The following ATP10A variants were observed in gnomAD, a reference collection of about 807,000 sequenced individuals.
The protein encoded by ATP10A is ATPase phospholipid transporting 10A (putative).
In ATP10A, 111 loss-of-function variants were observed where a neutral mutation model predicts 147.8. That is an observed-to-expected ratio of 0.75 (90% CI 0.64 to 0.88). The LOEUF (loss-of-function observed/expected upper bound fraction) is 0.88. ATP10A is among the 40% of genes least tolerant of loss of function. The probability of loss-of-function intolerance (pLI) is 0.00; values close to 1 mark genes in which losing one functional copy is unlikely to be tolerated. For synonymous variants in ATP10A, 875 were observed against 841.6 expected (o/e 1.04, Z -0.69); for missense variants, 1,927 against 1,959.0 (o/e 0.98, Z 0.31).
intron 14 of ATP10A, among the ~76,000 whole-genome samples, chr15:25,694,157 G>A (rs1900182139): frequency 6.6e-6 from 1 of 152,224 alleles, no homozygotes; most frequent in Admixed American, 6.5e-5. Context: ...GTCCTGGAAG[G>A]AGGCGAGTGG....
intron 15 of ATP10A, among the ~76,000 whole-genome samples, chr15:25,688,797 C>T (rs1335984207): frequency 1.3e-5 from 2 of 152,142 alleles, no homozygotes; most frequent in African/African-American, 4.8e-5. Flanking sequence ...ATTTTCTGAA[C>T]CAAAAGTTAA....
At position 25,702,075 on chromosome 15, in the gene ATP10A, C is replaced by A. The variant is rs778007039; in HGVS notation, c.2601G>T (p.Leu867=). ...LLGATGIEDR[L]QDGVPETISK... ...AAATAGTTTCAGGGACTCCGTCCTGCAGGCGGTCTTCAATCCCAGTGGCAC... is the reference window on the plus strand; with the variant it reads ...AAATAGTTTCAGGGACTCCGTCCTGAAGGCGGTCTTCAATCCCAGTGGCAC... Residue 867 remains leucine, a synonymous_variant, in exon 13 of 21, where the codon CTG becomes CTT. Coordinates refer to ENST00000555815, the MANE Select transcript of ATP10A (RefSeq NM_024490.4). The A allele has an allele frequency of 1.2e-6, 2 of 1,613,074 alleles. No homozygotes were observed. The highest frequency in any genetic ancestry group is 2.2e-5 in the South Asian group (2 of 90,882).
At chr15:25,862,596 G>A in intron 1 of ATP10A, 52 bp downstream of exon 1, 10 of 1,464,742 alleles carry the variant, frequency 6.8e-6, no homozygotes, top group Non-Finnish European at 9.1e-6. Flanking sequence ...AAGTTCCCGG[G>A]GCGCCCTGCC....
At chr15:25,773,818 C>CA (rs1889466943) in intron 2 of ATP10A, among the ~76,000 whole-genome samples, 4 of 137,808 alleles carry the variant, frequency 2.9e-5, no homozygotes, top group Non-Finnish European at 6.5e-5. Context: ...ACCTAAACAT[C>CA]CACACACACA....
chr15:25,779,462 G>T (rs1889787288), intron 2 of ATP10A, among the ~76,000 whole-genome samples: 1 of 152,116 alleles, frequency 6.6e-6, no homozygotes, highest in Non-Finnish European at 1.5e-5. Flanking sequence ...GTCCCTGGCT[G>T]ATGTCAGTGT....
chr15:25,843,818 C>T (rs1432783148), intron 1 of ATP10A, among the ~76,000 whole-genome samples: 1 of 152,170 alleles, frequency 6.6e-6, no homozygotes, highest in Non-Finnish European at 1.5e-5. Context: ...ACTCTAGAAG[C>T]TATTTTTGGA....
At chr15:25,830,486 C>A (rs1485116007) in intron 1 of ATP10A, among the ~76,000 whole-genome samples, 2 of 152,216 alleles carry the variant, frequency 1.3e-5, no homozygotes, top group Non-Finnish European at 2.9e-5. Flanking sequence ...GGCTTCTTTA[C>A]ACCTTCCTTC....
intron 2 of ATP10A, among the ~76,000 whole-genome samples, chr15:25,760,617 T>G (rs1168504010): frequency 6.6e-6 from 1 of 152,206 alleles, no homozygotes; most frequent in Non-Finnish European, 1.5e-5. Flanking sequence ...TTCATAGCAT[T>G]GGACTGAATT....
At chr15:25,727,332 T>C in intron 3 of ATP10A, 66 bp from the exon 4 acceptor site, 1 of 1,319,458 alleles carries the variant, frequency 7.6e-7, no homozygotes, top group Non-Finnish European at 1.1e-6. Context: ...GGAGCCGCAA[T>C]GCCTTGAGGA....
intron 1 of ATP10A, among the ~76,000 whole-genome samples, chr15:25,812,133 C>T (rs902042430): frequency 2.0e-5 from 3 of 152,206 alleles, no homozygotes; most frequent in African/African-American, 4.8e-5. Flanking sequence ...AAGAAACTGA[C>T]GCCTTGGAGT....
intron 1 of ATP10A, among the ~76,000 whole-genome samples, chr15:25,821,408 AAAC>A (rs201770063): frequency 0.35 from 52,539 of 151,722 alleles, 10,392 homozygotes; most frequent in African/African-American, 0.54. Flanking sequence ...ACAAAAAAAA[AAAC>A]AAACAAAAAA....
chr15:25,858,130 TG>T (rs1893596755), intron 1 of ATP10A, among the ~76,000 whole-genome samples: 1 of 152,180 alleles, frequency 6.6e-6, no homozygotes, highest in Non-Finnish European at 1.5e-5. Flanking sequence ...AACATGTGAA[TG>T]GCAATGTGGA....
chr15:25,695,248 A>C, intron 13 of ATP10A, 102 bp from the exon 14 acceptor site: 1 of 1,146,054 alleles, frequency 8.7e-7, no homozygotes, highest in Non-Finnish European at 1.2e-6. Context: ...TCCGGGCTCC[A>C]GGCTGCAGTA....
intron 2 of ATP10A, among the ~76,000 whole-genome samples, chr15:25,740,542 C>G (rs763112234): frequency 6.6e-6 from 1 of 152,364 alleles, no homozygotes; most frequent in East Asian, 1.9e-4. Flanking sequence ...CACACACTCC[C>G]GTCTTCTGCA....
At chr15:25,691,667 G>A (rs1464031300) in intron 15 of ATP10A, 48 bp downstream of exon 15, 2 of 1,591,080 alleles carry the variant, frequency 1.3e-6, no homozygotes, top group South Asian at 1.1e-5. Context: ...CAGGACAAGA[G>A]GTCAGTAGGG....
At chr15:25,856,574 G>A (rs1230502382) in intron 1 of ATP10A, among the ~76,000 whole-genome samples, 3 of 152,128 alleles carry the variant, frequency 2.0e-5, no homozygotes, top group Non-Finnish European at 4.4e-5. Flanking sequence ...GTAGATGAGG[G>A]GAAGTGTCTC....
chr15:25,702,009 A>G lies in ATP10A; in HGVS notation c.2667T>C (p.Thr889=). The change falls in exon 13 of 21, where the codon ACT becomes ACC. Residue 889 remains threonine, a synonymous_variant. Transcript: ENST00000555815. ...RQAGLQIWVL[T]GDKQETAVNI... ...TGACAGCTGTTTCTTGTTTGTCACC[A>G]GTGAGAACCCAAATCTGCAGGCCCG... 1.2e-6 allele frequency: 2 copies of G among 1,614,226 alleles called. No homozygotes were observed. Among genetic ancestry groups the G allele is most frequent in the Non-Finnish European group, 1.7e-6 (2 of 1,180,030 alleles).
intron 2 of ATP10A, among the ~76,000 whole-genome samples, chr15:25,780,388 G>A (rs1889856825): frequency 6.6e-6 from 1 of 152,254 alleles, no homozygotes; most frequent in East Asian, 1.9e-4. Context: ...GAGGGCTCCT[G>A]CCCCTGTCAG....
chr15:25,791,812 T>C lies in ATP10A; in HGVS notation c.450-10589A>G, dbSNP rs149825026. On this transcript the variant is annotated intron_variant, in intron 1 of 20. Transcript: ENST00000555815. Reference sequence around the variant, plus strand: ...TGGAAATATTTTTCTCTAAGAGCCATGGTTTGTCGGTTTTAACATTTCTAG... The same window carrying C: ...TGGAAATATTTTTCTCTAAGAGCCACGGTTTGTCGGTTTTAACATTTCTAG... Among the ~76,000 whole-genome samples the C allele has an allele frequency of 1.2e-3, 179 of 152,332 alleles. 2 individuals are homozygous for C. In the East Asian group the frequency reaches 0.033, roughly 28 times the overall value.
Sources: allele counts gnomAD v4.1 joint callset (sites outside exome capture counted in the v4.1 genomes callset), GRCh38; gene constraint gnomAD v4.1.1; transcripts MANE v1.5; gene names NCBI Gene and HGNC (gene_info 2026-07-23, HGNC 2026-07-21).